Variants in ZNF385D observed in about 807,000 individuals in gnomAD.
ZNF385D encodes zinc finger protein 659.
ZNF385D carries 15 observed loss-of-function variants against 35.8 expected under a neutral mutation model. That is an observed-to-expected ratio of 0.42 (90% CI 0.28 to 0.64). The LOEUF is 0.64. Ranked by LOEUF, ZNF385D falls within the 30% of genes least tolerant of loss-of-function variation. The pLI is 0.23. For synonymous variants in ZNF385D, 212 were observed against 186.8 expected (o/e 1.13, Z -1.10); for missense variants, 474 against 494.6 (o/e 0.96, Z 0.39).
chr3:21,552,743 G>A (rs556334015), intron 3 of ZNF385D, among the ~76,000 whole-genome samples: 36 of 152,226 alleles, frequency 2.4e-4, no homozygotes, highest in Admixed American at 2.0e-3. Context: ...ATAAAATGGC[G>A]GTATCTGTGG....
intron 3 of ZNF385D, among the ~76,000 whole-genome samples, chr3:22,116,302 T>A (rs1410006183): frequency 2.0e-5 from 3 of 152,018 alleles, no homozygotes; most frequent in Non-Finnish European, 4.4e-5. Context: ...TTTATTGAAG[T>A]CACATTTACT....
At chr3:21,571,311 A>G (rs765506418) in intron 2 of ZNF385D, among the ~76,000 whole-genome samples, 1 of 152,164 alleles carries the variant, frequency 6.6e-6, no homozygotes, top group Non-Finnish European at 1.5e-5. Context: ...GCTATATAGT[A>G]TTCCATTCTA....
chr3:22,131,631 C>T (rs554698461), intron 3 of ZNF385D, among the ~76,000 whole-genome samples: 40 of 152,176 alleles, frequency 2.6e-4, no homozygotes, highest in African/African-American at 9.6e-4. Flanking sequence ...GAAGGGAAGG[C>T]CACTGCAAAG....
intron 3 of ZNF385D, among the ~76,000 whole-genome samples, chr3:21,765,722 C>CAGAGAGAGACAGAG (rs149537086): frequency 1.3e-5 from 2 of 151,378 alleles, no homozygotes; most frequent in African/African-American, 4.9e-5. Context: ...CATACACACA[C>CAGAGAGAGACAGAG]AGAGAGAGAA....
At chr3:21,789,823 C>T (rs556682424) in intron 3 of ZNF385D, among the ~76,000 whole-genome samples, 1 of 152,258 alleles carries the variant, frequency 6.6e-6, no homozygotes, top group East Asian at 1.9e-4. Context: ...AATTTGGGGC[C>T]ATAATAAATG....
intron 3 of ZNF385D, among the ~76,000 whole-genome samples, chr3:21,835,788 ATAT>A (rs929433857): frequency 1.3e-5 from 2 of 152,092 alleles, no homozygotes; most frequent in African/African-American, 2.4e-5. Context: ...AAAACAAAAA[ATAT>A]TATTCTAGGC....
At chr3:21,739,523 G>C (rs144149624) in intron 1 of ZNF385D, among the ~76,000 whole-genome samples, 47 of 152,296 alleles carry the variant, frequency 3.1e-4, no homozygotes, top group Admixed American at 1.2e-3. Context: ...AGGAACATGA[G>C]GGGCCAGATC....
At chr3:21,519,778 G>A (rs1173908812) in intron 3 of ZNF385D, among the ~76,000 whole-genome samples, 2 of 152,160 alleles carry the variant, frequency 1.3e-5, no homozygotes, top group African/African-American at 4.8e-5. Flanking sequence ...ACTTCGTCTA[G>A]CTGCTCAGCC....
At chr3:21,873,575 C>G (rs1292851890) in intron 3 of ZNF385D, among the ~76,000 whole-genome samples, 1 of 152,098 alleles carries the variant, frequency 6.6e-6, no homozygotes, top group Non-Finnish European at 1.5e-5. Flanking sequence ...CACAGCTGAT[C>G]TGCAGAACTT....
At chr3:22,172,811 T>A (rs1356829606) in intron 2 of ZNF385D, among the ~76,000 whole-genome samples, 2 of 152,196 alleles carry the variant, frequency 1.3e-5, no homozygotes, top group African/African-American at 2.4e-5. Flanking sequence ...CAAACTCTCA[T>A]TTAGAAGTAT....
chr3:22,208,052 A>G (rs1427855535), intron 2 of ZNF385D, among the ~76,000 whole-genome samples: 1 of 152,010 alleles, frequency 6.6e-6, no homozygotes, highest in African/African-American at 2.4e-5. Context: ...TAGAAATACT[A>G]TACGATGCAG....
intron 2 of ZNF385D, among the ~76,000 whole-genome samples, chr3:22,255,402 T>A (rs1700265383): frequency 6.6e-6 from 1 of 151,856 alleles, no homozygotes; most frequent in African/African-American, 2.4e-5. Flanking sequence ...CCTACAGATA[T>A]GAAATAACTT....
intron 3 of ZNF385D, among the ~76,000 whole-genome samples, chr3:21,767,862 A>C (rs2070900338): frequency 6.6e-6 from 1 of 152,138 alleles, no homozygotes; most frequent in Non-Finnish European, 1.5e-5. Context: ...AATAAAGCAC[A>C]AGAATGCATG....
At chr3:22,092,639 G>A (rs546028034) in intron 3 of ZNF385D, among the ~76,000 whole-genome samples, 25 of 152,140 alleles carry the variant, frequency 1.6e-4, no homozygotes, top group African/African-American at 5.5e-4. Context: ...CAGCCTTATG[G>A]GTAGTGGCCC....
intron 3 of ZNF385D, among the ~76,000 whole-genome samples, chr3:21,884,877 A>C (rs1445084134): frequency 6.6e-6 from 1 of 150,808 alleles, no homozygotes; most frequent in African/African-American, 2.4e-5. Flanking sequence ...GAGGATCATG[A>C]AAGTATGACC....
At chr3:21,828,330 T>C (rs1694785323) in intron 3 of ZNF385D, among the ~76,000 whole-genome samples, 2 of 152,328 alleles carry the variant, frequency 1.3e-5, no homozygotes, top group East Asian at 1.9e-4. Flanking sequence ...TAGCTTTCAG[T>C]AAAAGTAGAA....
chr3:22,333,312 G>C (rs901726507), intron 2 of ZNF385D, among the ~76,000 whole-genome samples: 1 of 151,958 alleles, frequency 6.6e-6, no homozygotes, highest in Non-Finnish European at 1.5e-5. Flanking sequence ...TAAATACATA[G>C]GTTTATTCAC....
intron 3 of ZNF385D, among the ~76,000 whole-genome samples, chr3:21,978,863 C>T (rs1164368240): frequency 1.3e-5 from 2 of 151,860 alleles, no homozygotes; most frequent in African/African-American, 4.8e-5. Flanking sequence ...TAAAAATATT[C>T]ACAAATATTC....
intron 2 of ZNF385D, among the ~76,000 whole-genome samples, chr3:22,293,187 T>C (rs1357599782): frequency 6.6e-6 from 1 of 152,116 alleles, no homozygotes; most frequent in African/African-American, 2.4e-5. Flanking sequence ...AGTTATTATA[T>C]TATTCATTTG....
Sources: gnomAD v4.1 joint callset for allele counts (sites outside exome capture counted in the v4.1 genomes callset) on GRCh38, gnomAD v4.1.1 for gene constraint, MANE v1.5 for transcripts, NCBI Gene and HGNC (gene_info 2026-07-23, HGNC 2026-07-21) for gene names.